Variants in SAMD8 observed in about 807,000 individuals in gnomAD.
SAMD8 encodes the protein sterile alpha motif domain containing 8.
SAMD8 carries 20 observed loss-of-function variants against 42.0 expected under a neutral mutation model. The ratio of observed to expected loss-of-function variants is 0.48; its 90% CI spans 0.34 to 0.69. SAMD8 has a LOEUF of 0.69. Among genes scored for constraint, SAMD8 ranks in the 30% least tolerant of loss-of-function variants. SAMD8 has a pLI of 0.01. For missense variants in SAMD8, 328 were observed against 511.6 expected (o/e 0.64, Z 3.46); for synonymous variants, 162 against 173.0 (o/e 0.94, Z 0.50).
chr10:75,134,783 G>A (rs12254485), intron 1 of SAMD8, among the ~76,000 whole-genome samples: 2,109 of 152,302 alleles, frequency 0.014, 52 homozygotes, highest in African/African-American at 0.048. Context: ...TGTGACTGGT[G>A]TGGTGGCTTA....
intron 2 of SAMD8, among the ~76,000 whole-genome samples, chr10:75,163,167 C>A (rs1349633645): frequency 6.6e-6 from 1 of 152,136 alleles, no homozygotes; most frequent in East Asian, 1.9e-4. Flanking sequence ...CCTCGTGATC[C>A]ACCCGCCTTG....
intron 1 of SAMD8, among the ~76,000 whole-genome samples, chr10:75,113,872 A>T (rs1218495268): frequency 6.6e-6 from 1 of 152,232 alleles, no homozygotes; most frequent in Non-Finnish European, 1.5e-5. Flanking sequence ...CATGGCATGT[A>T]AAAATTTGCT....
intron 1 of SAMD8, among the ~76,000 whole-genome samples, chr10:75,150,111 G>GT (rs910918837): frequency 1.5e-5 from 2 of 134,698 alleles, no homozygotes; most frequent in Admixed American, 1.6e-4. Context: ...TATATATATA[G>GT]TTTTTTGTTT....
intron 3 of SAMD8, 164 bp from the exon 4 acceptor site, chr10:75,168,377 T>C: frequency 1.0e-6 from 1 of 956,676 alleles, no homozygotes; most frequent in African/African-American, 1.8e-5. Flanking sequence ...TTGCAGAGAA[T>C]TCTGTTGGAC....
At chr10:75,124,410 C>T (rs1020232660) in intron 1 of SAMD8, among the ~76,000 whole-genome samples, 4 of 152,118 alleles carry the variant, frequency 2.6e-5, no homozygotes, top group Middle Eastern at 3.4e-3. Flanking sequence ...GTCAGGAGTT[C>T]GAGAGCAGTC....
intron 1 of SAMD8, among the ~76,000 whole-genome samples, chr10:75,134,901 T>TA (rs147089617): frequency 0.014 from 2,121 of 147,218 alleles, 49 homozygotes; most frequent in African/African-American, 0.049. Flanking sequence ...TACAAAAAAG[T>TA]AAAAAAAAAA....
intron 1 of SAMD8, among the ~76,000 whole-genome samples, chr10:75,124,398 A>T (rs893202083): frequency 1.3e-5 from 2 of 152,104 alleles, no homozygotes; most frequent in Non-Finnish European, 2.9e-5. Flanking sequence ...AGATCACTTG[A>T]GGTCAGGAGT....
At chr10:75,104,307 C>T (rs1383433166) in intron 1 of SAMD8, among the ~76,000 whole-genome samples, 1 of 152,158 alleles carries the variant, frequency 6.6e-6, no homozygotes, top group Non-Finnish European at 1.5e-5. Context: ...TCCCCATGGG[C>T]CCCTTATCTT....
intron 1 of SAMD8, among the ~76,000 whole-genome samples, chr10:75,129,907 C>CTTGTTCTT (rs1849237030): frequency 1.3e-5 from 2 of 152,170 alleles, no homozygotes; most frequent in Non-Finnish European, 2.9e-5. Context: ...AGCTAGGGCA[C>CTTGTTCTT]TGTTCTAGAC....
chr10:75,112,022 G>T (rs547286629), intron 1 of SAMD8, among the ~76,000 whole-genome samples: 131 of 152,296 alleles, frequency 8.6e-4, no homozygotes, highest in African/African-American at 3.1e-3. Flanking sequence ...GCTGCGCAGT[G>T]GGGGAAAAAG....
intron 1 of SAMD8, among the ~76,000 whole-genome samples, chr10:75,114,393 G>A (rs919765637): frequency 7.2e-5 from 11 of 151,766 alleles, no homozygotes; most frequent in African/African-American, 2.7e-4. Context: ...TGCGATGGCA[G>A]AATATGCAGA....
Position 75,111,679 on chromosome 10 carries a change from C to A in SAMD8, c.-59C>A, listed in dbSNP as rs1848771766. On this transcript the variant is annotated 5_prime_UTR_variant, in exon 1 of 6. Coordinates refer to ENST00000542569, the MANE Select transcript of SAMD8 (RefSeq NM_001174156.2). ...CCGGACTCCGACGGCGGCTCGGACG[C>A]CGACTCGGAGGTGGGTCCGGGGAGC... 8.1e-7 allele frequency: 1 copy of A among 1,239,376 alleles called. No individual in the cohort carries two copies. Among genetic ancestry groups the A allele is most frequent in the South Asian group, 3.7e-5 (1 of 27,104 alleles). The allele number at this position is 1,239,376 out of a possible 1,614,324, so 76.8% of individuals were successfully genotyped here.
At chr10:75,126,742 C>A (rs1849149195) in intron 1 of SAMD8, among the ~76,000 whole-genome samples, 1 of 151,648 alleles carries the variant, frequency 6.6e-6, no homozygotes, top group South Asian at 2.1e-4. Context: ...CTCAAGCAAT[C>A]CTCTGGCCTT....
Position 75,150,941 on chromosome 10 carries a change from A to G in SAMD8, c.413A>G (p.Asn138Ser). 6.2e-7 allele frequency: 1 copy of G among 1,613,022 alleles called. No individual in the cohort carries two copies. Among genetic ancestry groups the G allele is most frequent in the Non-Finnish European group, 8.5e-7 (1 of 1,179,574 alleles). Residue 138 changes from asparagine to serine, a missense_variant, in exon 2 of 6, where the codon AAC becomes AGC. Physicochemically the swap from Asn to Ser is conservative, Grantham distance 46. This residue lies in a region of SAMD8 where 150 missense variants were observed against 186.0 expected (regional missense o/e 0.81). Transcript: ENST00000542569. Reference protein sequence around the residue: ...SDQYQYMNGKNKHSVRRLDPE... With the variant: ...SDQYQYMNGKSKHSVRRLDPE... ...CAGTACCAGTACATGAATGGTAAAA[A>G]CAAACATTCTGTTCGAAGATTGGAC...
intron 4 of SAMD8, among the ~76,000 whole-genome samples, chr10:75,173,222 A>G (rs1398479947): frequency 1.3e-5 from 2 of 152,182 alleles, no homozygotes; most frequent in Non-Finnish European, 2.9e-5. Context: ...CTACTTATTG[A>G]CCCGTATTAT....
chr10:75,162,645 G>C (rs1393625853), intron 2 of SAMD8, among the ~76,000 whole-genome samples: 1 of 93,016 alleles, frequency 1.1e-5, no homozygotes, highest in African/African-American at 5.0e-5. Context: ...GTGAAACTCC[G>C]TCTCAAAAAA....
upstream of SAMD8, chr10:75,108,176 C>A: frequency 1.2e-6 from 2 of 1,611,404 alleles, no homozygotes; most frequent in Non-Finnish European, 1.7e-6. Context: ...TGATGCCCAG[C>A]TTCCACAGCT....
intron 4 of SAMD8, among the ~76,000 whole-genome samples, chr10:75,173,707 CCTTT>C (rs958622660): frequency 7.2e-5 from 11 of 152,138 alleles, no homozygotes; most frequent in African/African-American, 2.7e-4. Flanking sequence ...AATTCTTCTT[CCTTT>C]CTTTCCCTCA....
chr10:75,175,397 A>T (rs1425825362), intron 4 of SAMD8, among the ~76,000 whole-genome samples: 2 of 152,196 alleles, frequency 1.3e-5, no homozygotes, highest in African/African-American at 2.4e-5. Flanking sequence ...TATTGGCAAG[A>T]ATAGCCAAGC....
Sources: allele counts gnomAD v4.1 joint callset (sites outside exome capture counted in the v4.1 genomes callset), GRCh38; gene constraint gnomAD v4.1.1; regional missense constraint gnomAD v4.1.1; transcripts MANE v1.5; gene names NCBI Gene and HGNC (gene_info 2026-07-23, HGNC 2026-07-21).